The following TBC1D5 variants were observed in gnomAD, a reference collection of about 807,000 sequenced individuals.
TBC1D5 encodes TBC1 domain family member 5.
A neutral mutation model predicts 100.3 loss-of-function variants in TBC1D5; 75 were observed. The observed-to-expected ratio is 0.75, with a 90% CI of 0.62 to 0.91. The LOEUF is 0.91. Among genes scored for constraint, TBC1D5 ranks in the 40% least tolerant of loss-of-function variants. The pLI, the probability that TBC1D5 is intolerant of heterozygous loss-of-function variation, is 0.00. For missense variants in TBC1D5, 910 were observed against 942.4 expected (o/e 0.97, Z 0.45); for synonymous variants, 323 against 325.6 (o/e 0.99, Z 0.09).
At chr3:17,205,080 T>C (rs1328085864) in intron 18 of TBC1D5, among the ~76,000 whole-genome samples, 1 of 152,248 alleles carries the variant, frequency 6.6e-6, no homozygotes, top group Non-Finnish European at 1.5e-5. Flanking sequence ...TTAAAATTAC[T>C]ATCATGAGAC....
intron 9 of TBC1D5, among the ~76,000 whole-genome samples, chr3:17,382,539 T>C (rs1458430719): frequency 6.6e-6 from 1 of 150,846 alleles, no homozygotes; most frequent in Non-Finnish European, 1.5e-5. Context: ...ATTTATTCGA[T>C]TCTTGCTTTA....
chr3:17,297,238 A>C (rs2082340904), intron 14 of TBC1D5, among the ~76,000 whole-genome samples: 1 of 152,118 alleles, frequency 6.6e-6, no homozygotes, highest in Non-Finnish European at 1.5e-5. Flanking sequence ...ACCTTCTCTA[A>C]CTCCTTATCG....
chr3:17,729,788 T>A (rs1405856040), intron 1 of TBC1D5, among the ~76,000 whole-genome samples: 2 of 151,384 alleles, frequency 1.3e-5, no homozygotes, highest in African/African-American at 2.4e-5. Flanking sequence ...TCAAGAAGAG[T>A]GAGAACAAAG....
chr3:17,736,405 CAA>C (rs1345796185), intron 1 of TBC1D5, among the ~76,000 whole-genome samples: 1 of 152,144 alleles, frequency 6.6e-6, no homozygotes, highest in Non-Finnish European at 1.5e-5. Context: ...CAATTTGACC[CAA>C]GTCTTCCTAA....
At chr3:17,680,825 T>A (rs1406272505) in intron 1 of TBC1D5, among the ~76,000 whole-genome samples, 1 of 151,380 alleles carries the variant, frequency 6.6e-6, no homozygotes, top group African/African-American at 2.5e-5. Context: ...CAGGGTCCCC[T>A]TTTTTGTTTG....
intron 2 of TBC1D5, among the ~76,000 whole-genome samples, chr3:17,578,369 T>G (rs926471011): frequency 6.6e-6 from 1 of 152,020 alleles, no homozygotes; most frequent in African/African-American, 2.4e-5. Flanking sequence ...AAAGCAGGAC[T>G]TATCCTCATA....
chr3:17,238,167 G>T, exon 17 of TBC1D5: 1 of 1,610,524 alleles, frequency 6.2e-7, no homozygotes, highest in Admixed American at 1.7e-5. Context: ...TCCTACCTTT[G>T]TTCAATTGCA....
At chr3:17,345,529 A>G (rs2089729789) in intron 13 of TBC1D5, among the ~76,000 whole-genome samples, 1 of 152,100 alleles carries the variant, frequency 6.6e-6, no homozygotes, top group African/African-American at 2.4e-5. Flanking sequence ...TCAGGGATCT[A>G]GAACTAGAAA....
At chr3:17,206,190 A>C (rs2072159192) in intron 18 of TBC1D5, among the ~76,000 whole-genome samples, 3 of 152,172 alleles carry the variant, frequency 2.0e-5, no homozygotes, top group Non-Finnish European at 2.9e-5. Flanking sequence ...GTTCAGATCT[A>C]TCTCTCACCA....
intron 18 of TBC1D5, among the ~76,000 whole-genome samples, chr3:17,208,772 C>T (rs749339406): frequency 2.0e-5 from 3 of 152,132 alleles, no homozygotes; most frequent in Non-Finnish European, 2.9e-5. Context: ...ATCCATATGC[C>T]ACCAAAATAT....
At chr3:17,169,661 C>CT (rs1559342012) in intron 19 of TBC1D5, among the ~76,000 whole-genome samples, 1 of 152,116 alleles carries the variant, frequency 6.6e-6, no homozygotes, top group Non-Finnish European at 1.5e-5. Context: ...CCTTAAAAGC[C>CT]TGTAACAATT....
At chr3:17,284,320 G>A (rs924237055) in intron 15 of TBC1D5, among the ~76,000 whole-genome samples, 1 of 152,028 alleles carries the variant, frequency 6.6e-6, no homozygotes, top group Non-Finnish European at 1.5e-5. Flanking sequence ...GTTTTGCCAC[G>A]TTGGCCAGGC....
At chr3:17,619,789 T>C (rs2062496457) in intron 2 of TBC1D5, among the ~76,000 whole-genome samples, 1 of 152,134 alleles carries the variant, frequency 6.6e-6, no homozygotes, top group African/African-American at 2.4e-5. Flanking sequence ...GGTAACAAAC[T>C]GGAAGGAAAC....
At chr3:17,269,504 T>G (rs1164515557) in intron 15 of TBC1D5, among the ~76,000 whole-genome samples, 1 of 152,142 alleles carries the variant, frequency 6.6e-6, no homozygotes, top group Non-Finnish European at 1.5e-5. Context: ...CAATTTTTAT[T>G]TTAGATTCAT....
intron 9 of TBC1D5, among the ~76,000 whole-genome samples, chr3:17,378,775 T>G (rs1297442891): frequency 6.6e-6 from 1 of 151,656 alleles, no homozygotes; most frequent in Admixed American, 6.6e-5. Flanking sequence ...TCCTTTTTTT[T>G]TTTTCAGTTA....
chr3:17,222,750 T>C (rs76832125), intron 17 of TBC1D5, among the ~76,000 whole-genome samples: 11 of 152,016 alleles, frequency 7.2e-5, no homozygotes, highest in Non-Finnish European at 1.5e-4. Context: ...TTTTTTTTTT[T>C]CTATCTCTAG....
chr3:17,634,451 T>C (rs930891399), intron 1 of TBC1D5, among the ~76,000 whole-genome samples: 3 of 152,148 alleles, frequency 2.0e-5, no homozygotes, highest in Admixed American at 2.0e-4. Context: ...GAGGTCACTA[T>C]GTTAACTGAA....
intron 20 of TBC1D5, 120 bp downstream of exon 21, chr3:17,167,629 T>A (rs1172581857): frequency 1.2e-6 from 1 of 828,218 alleles, no homozygotes; most frequent in East Asian, 2.6e-5. Flanking sequence ...AGGGGCTCTG[T>A]CTGGGAGGAA....
chr3:17,609,331 C>A (rs2061525657), intron 2 of TBC1D5, among the ~76,000 whole-genome samples: 1 of 152,146 alleles, frequency 6.6e-6, no homozygotes, highest in African/African-American at 2.4e-5. Context: ...ACAACTCCTG[C>A]CCTTTTAGAA....
Sources: allele counts gnomAD v4.1 joint callset (sites outside exome capture counted in the v4.1 genomes callset), GRCh38; gene constraint gnomAD v4.1.1; transcripts MANE v1.5; gene names NCBI Gene and HGNC (gene_info 2026-07-23, HGNC 2026-07-21).